AHCYL2: variants seen among roughly 807,000 people sequenced by gnomAD.
AHCYL2 encodes adenosylhomocysteinase like 2.
A neutral mutation model predicts 81.4 loss-of-function variants in AHCYL2; 28 were observed. That is an observed-to-expected ratio of 0.34 (90% CI 0.25 to 0.47). AHCYL2 has a LOEUF of 0.47. AHCYL2 is among the 20% of genes least tolerant of loss of function. AHCYL2 has a pLI of 1.00. For missense variants in AHCYL2, 551 were observed against 785.1 expected (o/e 0.70, Z 3.56); for synonymous variants, 272 against 290.2 (o/e 0.94, Z 0.64).
intron 1 of AHCYL2, among the ~76,000 whole-genome samples, chr7:129,328,998 A>T (rs1584789191): frequency 6.6e-6 from 1 of 152,172 alleles, no homozygotes; most frequent in Non-Finnish European, 1.5e-5. Context: ...TAAATTTTTT[A>T]AAATGAAATA....
At chr7:129,404,856 T>C (rs545968992) in intron 7 of AHCYL2, among the ~76,000 whole-genome samples, 1 of 152,264 alleles carries the variant, frequency 6.6e-6, no homozygotes, top group South Asian at 2.1e-4. Flanking sequence ...GGCCTTAAAA[T>C]TTAGAGGTGG....
At chr7:129,417,506 A>G (rs1037961893) in intron 12 of AHCYL2, among the ~76,000 whole-genome samples, 1 of 152,228 alleles carries the variant, frequency 6.6e-6, no homozygotes, top group African/African-American at 2.4e-5. Context: ...TGTTGAGACT[A>G]GACCAAGTTT....
intron 1 of AHCYL2, among the ~76,000 whole-genome samples, chr7:129,233,679 C>T (rs1338231244): frequency 6.6e-6 from 1 of 152,000 alleles, no homozygotes; most frequent in Admixed American, 6.6e-5. Flanking sequence ...GTAGAGATGG[C>T]GTTTCACCGT....
At chr7:129,367,489 A>G (rs1242164688) in intron 1 of AHCYL2, among the ~76,000 whole-genome samples, 5 of 152,224 alleles carry the variant, frequency 3.3e-5, no homozygotes, top group Admixed American at 3.3e-4. Context: ...ATGGAGAGAT[A>G]AAGCAGAAAC....
At chr7:129,395,128 C>T (rs1795664006) in intron 4 of AHCYL2, among the ~76,000 whole-genome samples, 2 of 152,256 alleles carry the variant, frequency 1.3e-5, no homozygotes, top group Admixed American at 1.3e-4. Flanking sequence ...CTTCAAATTC[C>T]TCCAGCAGTG....
intron 1 of AHCYL2, among the ~76,000 whole-genome samples, chr7:129,371,006 A>C (rs12534372): frequency 0.29 from 44,555 of 152,174 alleles, 8,051 homozygotes; most frequent in East Asian, 0.62. Context: ...ATAGCCACTT[A>C]GCCAAGAAAG....
rs540973416 is a variant in AHCYL2, at chr7:129,375,327, A to G, written c.364-4311A>G. ...AGGGCCTGCCTGAGTACTTGGCACC[A>G]TTAATTTTTTTTTCTTACTCCTTTA... On this transcript the variant is annotated intron_variant, in intron 1 of 16. Coordinates refer to ENST00000325006, the MANE Select transcript of AHCYL2 (RefSeq NM_015328.4). 1.2e-4 allele frequency among the ~76,000 whole-genome samples: 17 copies of G among 137,720 alleles called. No homozygotes were observed. In the South Asian group the frequency reaches 4.0e-3, roughly 32 times the overall value. The allele number at this position is 137,720 out of a possible 152,430, so 90.3% of individuals were successfully genotyped here.
At chr7:129,330,500 T>A (rs2150802083) in intron 1 of AHCYL2, among the ~76,000 whole-genome samples, 1 of 149,786 alleles carries the variant, frequency 6.7e-6, no homozygotes, top group South Asian at 2.1e-4. Flanking sequence ...AGACGGAGTC[T>A]CACTCTGTCG....
chr7:129,310,343 G>A, intron 1 of AHCYL2, among the ~76,000 whole-genome samples: 1 of 152,142 alleles, frequency 6.6e-6, no homozygotes, highest in East Asian at 1.9e-4. Context: ...AGATCACCAA[G>A]GATCTCCTGT....
intron 1 of AHCYL2, among the ~76,000 whole-genome samples, chr7:129,325,747 A>T (rs2150795621): frequency 6.8e-6 from 1 of 146,790 alleles, no homozygotes; most frequent in African/African-American, 2.5e-5. Context: ...TTTGAGACTG[A>T]CTTTTACTCT....
At chr7:129,323,375 C>T (rs1293481992) in intron 1 of AHCYL2, among the ~76,000 whole-genome samples, 1 of 152,082 alleles carries the variant, frequency 6.6e-6, no homozygotes, top group East Asian at 1.9e-4. Context: ...ATTTTCCAGA[C>T]ATGTTTCTGT....
At chr7:129,326,981 G>C (rs1324447417) in intron 1 of AHCYL2, among the ~76,000 whole-genome samples, 1 of 149,714 alleles carries the variant, frequency 6.7e-6, no homozygotes, top group Non-Finnish European at 1.5e-5. Flanking sequence ...GTGGTTTAGA[G>C]AGTGGCAAGA....
chr7:129,237,824 C>T (rs1167405206), intron 1 of AHCYL2, among the ~76,000 whole-genome samples: 1 of 152,092 alleles, frequency 6.6e-6, no homozygotes. Flanking sequence ...CTCCCGGGTT[C>T]AAGCAACCCC....
chr7:129,246,670 T>A (rs1293466361), intron 1 of AHCYL2, among the ~76,000 whole-genome samples: 1 of 152,132 alleles, frequency 6.6e-6, no homozygotes, highest in African/African-American at 2.4e-5. Flanking sequence ...CTAATTTTTG[T>A]ATTTTTTGTA....
chr7:129,391,290 T>A (rs1002382786), intron 4 of AHCYL2, among the ~76,000 whole-genome samples: 11 of 152,204 alleles, frequency 7.2e-5, no homozygotes, highest in Admixed American at 2.6e-4. Flanking sequence ...GCTGTTACAT[T>A]CCTGGAAAAA....
chr7:129,394,439 A>ATT (rs1795619090), intron 4 of AHCYL2, among the ~76,000 whole-genome samples: 6 of 57,012 alleles, frequency 1.1e-4, no homozygotes, highest in Admixed American at 2.0e-4. Flanking sequence ...TTTGTATTTG[A>ATT]CTTTTTTTTT....
At chr7:129,403,860 CAAAAAAAAAAAAAAAAAAA>C (rs34806455) in intron 7 of AHCYL2, among the ~76,000 whole-genome samples, 4 of 80,200 alleles carry the variant, frequency 5.0e-5, no homozygotes, top group Non-Finnish European at 8.0e-5. Flanking sequence ...GACTCCATCT[CAAAAAAAAAAAAAAAAAAA>C]AAAAAAAAAA....
intron 1 of AHCYL2, among the ~76,000 whole-genome samples, chr7:129,370,402 T>C (rs988149562): frequency 4.0e-5 from 6 of 151,852 alleles, no homozygotes; most frequent in African/African-American, 1.5e-4. Flanking sequence ...AAAAAATAAA[T>C]AAAAAAATTT....
intron 1 of AHCYL2, 84 bp downstream of exon 1, chr7:129,225,523 C>T (rs1584675650): frequency 1.4e-6 from 2 of 1,406,152 alleles, no homozygotes; most frequent in Non-Finnish European, 1.8e-6. Context: ...CACCACCCTC[C>T]ACGCCCTCCT....
Sources: allele counts gnomAD v4.1 joint callset (sites outside exome capture counted in the v4.1 genomes callset), GRCh38; gene constraint gnomAD v4.1.1; transcripts MANE v1.5; gene names NCBI Gene and HGNC (gene_info 2026-07-23, HGNC 2026-07-21).